Variants in INO80D observed in about 807,000 individuals in gnomAD.
INO80D encodes the protein INO80 complex subunit D.
Under a neutral mutation model 87.6 loss-of-function variants are expected in INO80D, and 21 were observed. The ratio of observed to expected loss-of-function variants is 0.24; its 90% CI spans 0.17 to 0.35. The LOEUF (loss-of-function observed/expected upper bound fraction) is 0.35, where lower values mean the gene tolerates loss of function less well. Ranked by LOEUF, INO80D falls within the 10% of genes least tolerant of loss-of-function variation. The pLI is 1.00. For synonymous variants in INO80D, 440 were observed against 491.0 expected (o/e 0.90, Z 1.37); for missense variants, 982 against 1,280.7 (o/e 0.77, Z 3.56).
chr2:206,007,096 T>G (rs1688046886), intron 10 of INO80D, among the ~76,000 whole-genome samples, 188 bp downstream of exon 10: 1 of 152,164 alleles, frequency 6.6e-6, no homozygotes, highest in African/African-American at 2.4e-5. Flanking sequence ...TATGAGATGG[T>G]TAAACAAACT....
At position 206,080,169 on chromosome 2, in the gene INO80D, G is replaced by A. The variant is rs905161846; in HGVS notation, c.-124+5732C>T. 1.3e-5 allele frequency among the ~76,000 whole-genome samples: 2 copies of A among 152,332 alleles called. 1 individual carries two copies. Among genetic ancestry groups the A allele is most frequent in the African/African-American group, 4.8e-5 (2 of 41,582 alleles). On this transcript the variant is annotated intron_variant, in intron 1 of 10. Transcript: ENST00000403263. ...TATTGCAAAGCTCAGAGCTACAACAGAGAAGCTAATCTGTTAAATGAATGA... is the reference window on the plus strand; with the variant it reads ...TATTGCAAAGCTCAGAGCTACAACAAAGAAGCTAATCTGTTAAATGAATGA...
intron 8 of INO80D, among the ~76,000 whole-genome samples, chr2:206,013,064 T>A (rs1015970579): frequency 5.3e-5 from 8 of 152,022 alleles, no homozygotes; most frequent in Non-Finnish European, 1.0e-4. Context: ...TTCAAAAATT[T>A]GTATTTTAAA....
rs1422250650 is a variant in INO80D, at chr2:206,085,274, C to T, written c.-124+627G>A. ...CCCGCCCCGCCCCGCCCCGGCCTGG[C>T]CGTCCGGAGCGCGGAGGAGGGGGAT... On this transcript the variant is annotated intron_variant, in intron 1 of 10. Transcript: ENST00000403263. The surrounding 1 kb of genome is among the most constrained non-coding windows in gnomAD (Gnocchi z 4.5). Among the ~76,000 whole-genome samples, 1 of 151,458 alleles carries T rather than the reference C, an allele frequency of 6.6e-6. No individual in the cohort carries two copies. Among genetic ancestry groups the T allele is most frequent in the African/African-American group, 2.4e-5 (1 of 41,244 alleles).
chr2:206,017,483 CAA>C (rs1051396464), intron 8 of INO80D, among the ~76,000 whole-genome samples, 195 bp downstream of exon 8: 2 of 152,088 alleles, frequency 1.3e-5, no homozygotes, highest in African/African-American at 4.8e-5. Context: ...GACATAGGAA[CAA>C]AGAGAGTATT....
rs138351933 is a variant in INO80D at position 206,024,409 on chromosome 2, A to C, written c.1298+3702T>G. ...GTATCTCTAAGAACATAAGTCTCTG[A>C]GTAAGCTGAGACCTGAAGGATGTTC... On this transcript the variant is annotated intron_variant, in intron 6 of 10. Transcript: ENST00000403263. Among the ~76,000 whole-genome samples the C allele has an allele frequency of 3.5e-3, 535 of 152,210 alleles. 1 individual carries two copies. The highest frequency in any genetic ancestry group is 0.011 in the Admixed American group (163 of 15,270).
intron 6 of INO80D, among the ~76,000 whole-genome samples, chr2:206,024,023 T>C (rs928342264): frequency 2.0e-5 from 3 of 152,214 alleles, no homozygotes; most frequent in African/African-American, 7.2e-5. Context: ...ATCAGAATAA[T>C]ATATTGGACT....
At chr2:206,039,911 T>C (rs1688998280) in intron 5 of INO80D, among the ~76,000 whole-genome samples, 1 of 151,666 alleles carries the variant, frequency 6.6e-6, no homozygotes, top group Non-Finnish European at 1.5e-5. Context: ...AATGGACAAG[T>C]TCCTAGAGAG....
At chr2:206,028,031 T>C in intron 6 of INO80D, 80 bp downstream of exon 6, 3 of 962,448 alleles carry the variant, frequency 3.1e-6, no homozygotes, top group Non-Finnish European at 4.5e-6. Flanking sequence ...CATCTCCCAC[T>C]GTGCCTCAAC....
intron 6 of INO80D, among the ~76,000 whole-genome samples, chr2:206,023,162 T>A (rs1014909397): frequency 2.0e-5 from 3 of 151,722 alleles, no homozygotes; most frequent in African/African-American, 7.3e-5. Flanking sequence ...GACAGCGCCA[T>A]TGCACTCCAG....
chr2:206,085,788 G>A lies in INO80D; in HGVS notation c.-124+113C>T, dbSNP rs1239934631. On this transcript the variant is annotated intron_variant, in intron 1 of 10. Coordinates refer to ENST00000403263, the MANE Select transcript of INO80D (RefSeq NM_017759.5). The surrounding 1 kb of genome is among the most constrained non-coding windows in gnomAD (Gnocchi z 4.5). ...CGCCCGGGGCCTGGCGTGGGCCGGC[G>A]AATCCCCGGCCTCACGTAAGCGCGC... The A allele has an allele frequency of 6.6e-6, 1 of 151,390 alleles. No individual in the cohort carries two copies. Among genetic ancestry groups the A allele is most frequent in the Non-Finnish European group, 1.5e-5 (1 of 67,882 alleles). The allele number at this position is 151,390 out of a possible 1,614,324, so 9.4% of individuals were successfully genotyped here. A position where few individuals can be genotyped will look rare whatever the true frequency, so the allele number is the denominator to read the frequency against.
At position 206,063,020 on chromosome 2, in the gene INO80D, G is replaced by T; in HGVS notation, c.-4C>A. On this transcript the variant is annotated 5_prime_UTR_variant, in exon 3 of 11. Transcript: ENST00000403263. ...GTATATGTTTCCCTTCATACATCAC[G>T]TGACTCTATTCCTTGTGAACATCAG... The T allele has an allele frequency of 6.3e-7, 1 of 1,598,218 alleles. No individual in the cohort carries two copies. Among genetic ancestry groups the T allele is most frequent in the Non-Finnish European group, 8.6e-7 (1 of 1,168,298 alleles).
intron 5 of INO80D, 121 bp from the exon 6 acceptor site, chr2:206,028,456 G>A: frequency 1.5e-6 from 1 of 666,930 alleles, no homozygotes; most frequent in South Asian, 2.1e-5. Context: ...TGGCATGTGA[G>A]CACATACTTC....
chr2:206,035,405 C>T (rs997102914), intron 5 of INO80D, among the ~76,000 whole-genome samples: 7 of 151,994 alleles, frequency 4.6e-5, no homozygotes, highest in East Asian at 1.9e-4. Flanking sequence ...CACAGACCAA[C>T]GGGACAGAAT....
chr2:206,025,542 A>AAAATATATATATATATATATAT (rs71301548), intron 6 of INO80D: 7 of 76,938 alleles, frequency 9.1e-5, no homozygotes, highest in African/African-American at 1.7e-4. Context: ...AAAAAAAAAA[A>AAAATATATATATATATATATAT]ATATATATAT....
At chr2:206,037,030 A>G (rs1688913664) in intron 5 of INO80D, among the ~76,000 whole-genome samples, 1 of 152,196 alleles carries the variant, frequency 6.6e-6, no homozygotes, top group Non-Finnish European at 1.5e-5. Context: ...GAGAAGAGAA[A>G]GGCCAGTTTC....
chr2:206,057,555 A>T (rs1285932459), intron 3 of INO80D, among the ~76,000 whole-genome samples: 2 of 152,144 alleles, frequency 1.3e-5, no homozygotes, highest in African/African-American at 2.4e-5. Context: ...TACCTGCAGT[A>T]GGCGCTAAAA....
At chr2:206,040,453 G>A (rs1389860448) in intron 5 of INO80D, 3 of 208,358 alleles carry the variant, frequency 1.4e-5, no homozygotes, top group Non-Finnish European at 3.1e-5. Flanking sequence ...CATGAAACCT[G>A]GGAAAGTGGT....
intron 1 of INO80D, among the ~76,000 whole-genome samples, chr2:206,080,320 A>C (rs1352074092): frequency 6.6e-6 from 1 of 152,174 alleles, no homozygotes; most frequent in African/African-American, 2.4e-5. Flanking sequence ...GGGGACTCAC[A>C]AAAACACTTC....
At chr2:206,025,542 A>ATATATATATATAT (rs1553616187) in intron 6 of INO80D, 106 of 76,904 alleles carry the variant, frequency 1.4e-3, no homozygotes, top group Non-Finnish European at 2.0e-3. Flanking sequence ...AAAAAAAAAA[A>ATATATATATATAT]ATATATATAT....
Sources: allele counts gnomAD v4.1 joint callset (sites outside exome capture counted in the v4.1 genomes callset), GRCh38; gene constraint gnomAD v4.1.1; non-coding constraint Gnocchi (gnomAD v3.1); transcripts MANE v1.5; gene names NCBI Gene and HGNC (gene_info 2026-07-23, HGNC 2026-07-21).